Variants in GNB1 observed in about 807,000 individuals in gnomAD.
The protein encoded by GNB1 is G protein subunit beta 1.
Under a neutral mutation model 42.9 loss-of-function variants are expected in GNB1, and 2 were observed. That is an observed-to-expected ratio of 0.05 (90% CI 0.02 to 0.15). The LOEUF (loss-of-function observed/expected upper bound fraction) is 0.15, where lower values mean the gene tolerates loss of function less well. GNB1 is among the 10% of genes least tolerant of loss of function. The pLI, the probability that GNB1 is intolerant of heterozygous loss-of-function variation, is 1.00. For missense variants in GNB1, 193 were observed against 462.2 expected, an observed-to-expected ratio of 0.42 and a Z score of 5.34; for synonymous variants, 183 against 174.7, an observed-to-expected ratio of 1.05 and a Z score of -0.38.
intron 1 of GNB1, among the ~76,000 whole-genome samples, chr1:1,843,922 G>A (rs1023331083): frequency 2.0e-5 from 3 of 151,876 alleles, no homozygotes; most frequent in Non-Finnish European, 2.9e-5. Flanking sequence ...CTGGCCGGGT[G>A]CGGTGGCTCA....
At chr1:1,831,383 G>A (rs1647073688) in intron 2 of GNB1, among the ~76,000 whole-genome samples, 1 of 152,074 alleles carries the variant, frequency 6.6e-6, no homozygotes, top group African/African-American at 2.4e-5. Flanking sequence ...GAACAATAAG[G>A]AAGACAGTAA....
intron 1 of GNB1, among the ~76,000 whole-genome samples, chr1:1,887,351 G>A (rs1421546570): frequency 6.6e-6 from 1 of 152,156 alleles, no homozygotes; most frequent in Non-Finnish European, 1.5e-5. Context: ...GAGATGCCCT[G>A]AAGACCTTTT....
At chr1:1,842,217 TCAG>T (rs1384993191) in intron 1 of GNB1, among the ~76,000 whole-genome samples, 9 of 152,130 alleles carry the variant, frequency 5.9e-5, no homozygotes, top group Admixed American at 2.0e-4. Flanking sequence ...GATCACAAGG[TCAG>T]CAGATTGAGA....
chr1:1,786,426 T>C lies in GNB1; in HGVS notation c.*637A>G, dbSNP rs558270552. 6.1e-5 allele frequency: 13 copies of C among 212,308 alleles called. No homozygotes were observed. The highest frequency in any genetic ancestry group is 5.6e-4 in the South Asian group (3 of 5,342). The allele number at this position is 212,308 out of a possible 1,614,324, so 13.2% of individuals were successfully genotyped here. A position where few individuals can be genotyped will look rare whatever the true frequency, so the allele number is the denominator to read the frequency against. On this transcript the variant is annotated 3_prime_UTR_variant, in exon 12 of 12. Coordinates refer to ENST00000378609, the MANE Select transcript of GNB1 (RefSeq NM_002074.5). ...TGGCTTCTGAACATGTTCTTTTCTA[T>C]GCCACGTTTGTGTGCAACAATGATC... is the stretch of plus-strand genomic sequence containing the variant.
intron 2 of GNB1, among the ~76,000 whole-genome samples, chr1:1,838,254 T>C (rs1324441386): frequency 6.6e-6 from 1 of 152,148 alleles, no homozygotes; most frequent in Non-Finnish European, 1.5e-5. Context: ...GCTATTCAAT[T>C]TAATTTTGCT....
intron 1 of GNB1, among the ~76,000 whole-genome samples, chr1:1,843,843 T>C (rs1032110566): frequency 1.4e-4 from 21 of 150,796 alleles, no homozygotes; most frequent in Admixed American, 6.0e-4. Context: ...GTGGATCACC[T>C]GAGGTCATGA....
intron 1 of GNB1, among the ~76,000 whole-genome samples, chr1:1,860,578 A>G (rs1242706827): frequency 6.6e-6 from 1 of 151,432 alleles, no homozygotes; most frequent in Non-Finnish European, 1.5e-5. Context: ...CGGAGCTTGC[A>G]GCGAGCCGAG....
chr1:1,822,552 T>A (rs948144197), intron 3 of GNB1, among the ~76,000 whole-genome samples: 1 of 152,038 alleles, frequency 6.6e-6, no homozygotes, highest in African/African-American at 2.4e-5. Flanking sequence ...CCTGACCTTG[T>A]GATCCACATG....
chr1:1,844,248 G>A (rs1397605990), intron 1 of GNB1, among the ~76,000 whole-genome samples: 2 of 151,122 alleles, frequency 1.3e-5, no homozygotes, highest in African/African-American at 4.9e-5. Context: ...AAAATTAGCC[G>A]GGCACGGTGG....
At position 1,787,194 on chromosome 1, in the gene GNB1, C is replaced by T; in HGVS notation, c.*9+128G>A. 1 of 641,640 alleles carries T rather than the reference C, an allele frequency of 1.6e-6. No individual in the cohort carries two copies. Among genetic ancestry groups the T allele is most frequent in the Non-Finnish European group, 2.8e-6 (1 of 360,278 alleles). The allele number at this position is 641,640 out of a possible 1,614,324, so 39.7% of individuals were successfully genotyped here. ...TGACTTCAGCTTTCTGTAAACGTTT[C>T]CCACAACACAATTCCAAATCAATGC... On this transcript the variant is annotated intron_variant, in intron 11 of 11. Coordinates refer to ENST00000378609, the MANE Select transcript of GNB1 (RefSeq NM_002074.5). This position sits in a 1 kb window ranked among gnomAD's most constrained non-coding sequence, Gnocchi z 4.4.
intron 5 of GNB1, among the ~76,000 whole-genome samples, chr1:1,810,771 G>A (rs1000850274): frequency 6.6e-6 from 1 of 151,082 alleles, no homozygotes; most frequent in East Asian, 2.0e-4. Context: ...GGGTTCAAGC[G>A]ATTATCCTGC....
chr1:1,854,735 C>T (rs912523319), intron 1 of GNB1, among the ~76,000 whole-genome samples: 2 of 152,158 alleles, frequency 1.3e-5, no homozygotes, highest in Non-Finnish European at 2.9e-5. Flanking sequence ...AGTAAGACGT[C>T]ATGTCTTTAA....
intron 5 of GNB1, among the ~76,000 whole-genome samples, chr1:1,811,490 C>A (rs1321337585): frequency 6.6e-6 from 1 of 151,692 alleles, no homozygotes; most frequent in Non-Finnish European, 1.5e-5. Context: ...GTCATGAGAT[C>A]GAGACCACCC....
At chr1:1,880,456 G>C (rs1029140312) in intron 1 of GNB1, among the ~76,000 whole-genome samples, 1 of 151,930 alleles carries the variant, frequency 6.6e-6, no homozygotes, top group South Asian at 2.1e-4. Flanking sequence ...GGCGTGGTGG[G>C]GGGTGCCTGT....
intron 2 of GNB1, among the ~76,000 whole-genome samples, chr1:1,834,055 C>T (rs1169382919): frequency 1.3e-5 from 2 of 152,108 alleles, no homozygotes; most frequent in Non-Finnish European, 2.9e-5. Flanking sequence ...AGAAAGCAAA[C>T]AATGGAGGGA....
At chr1:1,818,034 G>A in intron 3 of GNB1, 159 bp from the exon 4 acceptor site, 1 of 610,134 alleles carries the variant, frequency 1.6e-6, no homozygotes, top group South Asian at 1.7e-5. Context: ...ACACCCCATG[G>A]TCTACTACCA....
chr1:1,813,792 C>T (rs1204582184), intron 5 of GNB1, among the ~76,000 whole-genome samples: 1 of 152,176 alleles, frequency 6.6e-6, no homozygotes, highest in African/African-American at 2.4e-5. Context: ...TGCCTGGTTA[C>T]TTATTTATTT....
chr1:1,818,327 A>G (rs1646885040), intron 3 of GNB1: 1 of 150,994 alleles, frequency 6.6e-6, no homozygotes, highest in East Asian at 1.9e-4. Flanking sequence ...AAAAAAAAAA[A>G]AAGTCTAAAA....
intron 1 of GNB1, among the ~76,000 whole-genome samples, chr1:1,875,157 T>C (rs1570749393): frequency 6.6e-6 from 1 of 151,450 alleles, no homozygotes. Context: ...AGCCCAGGAG[T>C]TGGGGGCCCA....
Sources: allele counts gnomAD v4.1 joint callset (sites outside exome capture counted in the v4.1 genomes callset), GRCh38; gene constraint gnomAD v4.1.1; non-coding constraint Gnocchi (gnomAD v3.1); transcripts MANE v1.5; gene names NCBI Gene and HGNC (gene_info 2026-07-23, HGNC 2026-07-21).